Variants in PTPN20 observed in about 807,000 individuals in gnomAD.
The protein encoded by PTPN20 is protein tyrosine phosphatase non-receptor type 20.
In PTPN20, 9 loss-of-function variants were observed where a neutral mutation model predicts 35.0. That is an observed-to-expected ratio of 0.26 (90% CI 0.15 to 0.45). The LOEUF is 0.45. Ranked by LOEUF, PTPN20 falls within the 20% of genes least tolerant of loss-of-function variation. The pLI is 1.00. For missense variants in PTPN20, 111 were observed against 312.5 expected, an observed-to-expected ratio of 0.36 and a Z score of 4.86; for synonymous variants, 32 against 100.2, an observed-to-expected ratio of 0.32 and a Z score of 4.06.
chr10:46,982,910 T>C (rs1363504895), intron 7 of PTPN20, among the ~76,000 whole-genome samples: 10 of 152,278 alleles, frequency 6.6e-5, no homozygotes, highest in African/African-American at 2.4e-4. Flanking sequence ...AGGTATAAAG[T>C]ATTGTTTTAA....
At chr10:46,996,243 C>T (rs2059088728) in intron 9 of PTPN20, among the ~76,000 whole-genome samples, 3 of 152,170 alleles carry the variant, frequency 2.0e-5, no homozygotes, top group African/African-American at 7.2e-5. Context: ...GGAATCATAA[C>T]TCCAAGTGAA....
At chr10:46,946,991 T>C in intron 5 of PTPN20, 1 of 329,126 alleles carries the variant, frequency 3.0e-6, no homozygotes, top group Non-Finnish European at 5.3e-6. Flanking sequence ...ATTTCCTTTT[T>C]AAAAATTTGT....
chr10:46,925,229 CCTTTTCTTCTGTTTGTT>C (rs1259292554), intron 1 of PTPN20, among the ~76,000 whole-genome samples: 3 of 149,406 alleles, frequency 2.0e-5, no homozygotes, highest in Non-Finnish European at 4.4e-5. Flanking sequence ...TTCTGTTTGT[CCTTTTCTTCTGTTTGTT>C]CTTGAATTAG....
intron 1 of PTPN20, among the ~76,000 whole-genome samples, chr10:46,919,224 A>G (rs2034258825): frequency 6.6e-6 from 1 of 152,224 alleles, no homozygotes; most frequent in African/African-American, 2.4e-5. Flanking sequence ...CACTTTTTTA[A>G]TCCAGTCAGA....
At position 46,932,400 on chromosome 10, in the gene PTPN20, C is replaced by A. The variant is rs1426151667; in HGVS notation, c.-100C>A. On this transcript the variant is annotated 5_prime_UTR_variant, in exon 2 of 11. Transcript: ENST00000374339. ...AGGTGAACAAAAATTGTTTGCTGGC[C>A]CCCAGGATACTAACTAGACCTTTGG... 8.1e-6 allele frequency: 13 copies of A among 1,607,828 alleles called. No individual in the cohort carries two copies. Among genetic ancestry groups the A allele is most frequent in the Middle Eastern group, 2.3e-4 (1 of 4,390 alleles).
At chr10:46,992,421 C>A (rs1318316048) in intron 9 of PTPN20, among the ~76,000 whole-genome samples, 1 of 152,030 alleles carries the variant, frequency 6.6e-6, no homozygotes, top group Non-Finnish European at 1.5e-5. Context: ...CCACCCCTGG[C>A]CCGAAATTCT....
chr10:46,952,839 T>C (rs1178992044), intron 5 of PTPN20, among the ~76,000 whole-genome samples: 4 of 151,710 alleles, frequency 2.6e-5, no homozygotes, highest in African/African-American at 9.7e-5. Flanking sequence ...CCCTTAATAC[T>C]TGGAATCCAG....
intron 7 of PTPN20, among the ~76,000 whole-genome samples, chr10:46,983,044 C>T (rs1195181782): frequency 0.021 from 3,096 of 147,138 alleles, 107 homozygotes; most frequent in African/African-American, 0.073. Context: ...TTTGAAATAC[C>T]GGGTATCTTT....
chr10:46,994,485 T>C lies in PTPN20; in HGVS notation c.1135-5427T>C, dbSNP rs933806110. Among the ~76,000 whole-genome samples the C allele has an allele frequency of 1.3e-4, 19 of 151,590 alleles. No homozygotes were observed. In the East Asian group the frequency reaches 3.7e-3, roughly 29 times the overall value. On this transcript the variant is annotated intron_variant, in intron 9 of 10. Coordinates refer to ENST00000374339, the MANE Select transcript of PTPN20 (RefSeq NM_001042357.5). ...TAGCTGGGACTACAGGCGCCCGCCA[T>C]CACGCCCGGCTAATTTTTTTGTATT...
At chr10:46,946,968 A>T (rs2044981906) in intron 5 of PTPN20, 2 of 364,802 alleles carry the variant, frequency 5.5e-6, no homozygotes, top group Admixed American at 8.8e-5. Context: ...TTTGAAAAAT[A>T]ACCTGCTTCC....
chr10:46,927,906 A>G (rs1303323561), intron 1 of PTPN20, among the ~76,000 whole-genome samples: 3 of 151,718 alleles, frequency 2.0e-5, no homozygotes, highest in Non-Finnish European at 4.4e-5. Flanking sequence ...AGACAAATGG[A>G]CAAACAGATC....
At chr10:46,981,104 T>C (rs1422689620) in intron 7 of PTPN20, among the ~76,000 whole-genome samples, 2 of 150,046 alleles carry the variant, frequency 1.3e-5, no homozygotes, top group African/African-American at 4.9e-5. Flanking sequence ...GTTGGAAAAA[T>C]TGGTGACAAT....
intron 5 of PTPN20, among the ~76,000 whole-genome samples, chr10:46,953,613 T>C (rs545148116): frequency 2.2e-5 from 3 of 136,698 alleles, no homozygotes; most frequent in South Asian, 2.4e-4. Flanking sequence ...GGAGTTATTA[T>C]GAATGGACTC....
intron 9 of PTPN20, among the ~76,000 whole-genome samples, chr10:46,992,089 CTCT>C (rs1555177244): frequency 1.3e-5 from 2 of 149,378 alleles, no homozygotes; most frequent in African/African-American, 4.9e-5. Context: ...TTTACATAAT[CTCT>C]TATTTCTTGG....
rs1393006445 is a variant in PTPN20, at chr10:46,947,676, A to C, written c.340+1001A>C. ...CTACCACCGGTGCCTAGCAACCAGTAATCTATTTTCATTCTCTTTACTTTT... is the reference window on the plus strand; with the variant it reads ...CTACCACCGGTGCCTAGCAACCAGTCATCTATTTTCATTCTCTTTACTTTT... On this transcript the variant is annotated intron_variant, in intron 5 of 10. Coordinates refer to ENST00000374339, the MANE Select transcript of PTPN20 (RefSeq NM_001042357.5). Among the ~76,000 whole-genome samples, 4 of 151,508 alleles carry C rather than the reference A, an allele frequency of 2.6e-5. No homozygotes were observed. The East Asian group carries it at 7.8e-4, about 29-fold the overall frequency.
Position 46,957,591 on chromosome 10 carries a change from C to T in PTPN20, c.341-7395C>T, listed in dbSNP as rs1215452850. ...AGAAAAAGTACAAAAATTAGCCAGA[C>T]GTGGTAGCAGTTGCCTGTAATCCCA... On this transcript the variant is annotated intron_variant, in intron 5 of 10. Transcript: ENST00000374339. Among the ~76,000 whole-genome samples the T allele has an allele frequency of 2.4e-3, 362 of 152,032 alleles. 6 individuals are homozygous for T. Among genetic ancestry groups the T allele is most frequent in the African/African-American group, 8.4e-3 (349 of 41,334 alleles).
chr10:46,979,894 A>C (rs1555169532), intron 7 of PTPN20, among the ~76,000 whole-genome samples: 1 of 149,386 alleles, frequency 6.7e-6, no homozygotes. Flanking sequence ...GGGGTGTATT[A>C]ACTCTTCAGC....
chr10:46,954,688 C>T (rs1332247411), intron 5 of PTPN20, among the ~76,000 whole-genome samples: 1 of 148,526 alleles, frequency 6.7e-6, no homozygotes, highest in Non-Finnish European at 1.5e-5. Flanking sequence ...TGATATTTTC[C>T]AAGAACTAGC....
chr10:47,000,786 G>A lies in PTPN20; in HGVS notation c.*45G>A, dbSNP rs1375419695. The A allele has an allele frequency of 1.9e-6, 3 of 1,605,648 alleles. No homozygotes were observed. The African/African-American group carries it at 4.0e-5, about 21-fold the overall frequency. ...TCACTTGAAATTACCAAGTGGGTTTGCACCTCCTCATAAAGAACATGTTTG... is the reference window on the plus strand; with the variant it reads ...TCACTTGAAATTACCAAGTGGGTTTACACCTCCTCATAAAGAACATGTTTG... On this transcript the variant is annotated 3_prime_UTR_variant, in exon 11 of 11. Coordinates refer to ENST00000374339, the MANE Select transcript of PTPN20 (RefSeq NM_001042357.5).
Sources: gnomAD v4.1 joint callset for allele counts (sites outside exome capture counted in the v4.1 genomes callset) on GRCh38, gnomAD v4.1.1 for gene constraint, MANE v1.5 for transcripts, NCBI Gene and HGNC (gene_info 2026-07-23, HGNC 2026-07-21) for gene names.